KRT79: variants seen among roughly 807,000 people sequenced by gnomAD.
KRT79 encodes the protein keratin, type II cytoskeletal 79.
A neutral mutation model predicts 49.0 loss-of-function variants in KRT79; 51 were observed. That is an observed-to-expected ratio of 1.04 (90% confidence interval 0.83 to 1.31). The LOEUF (loss-of-function observed/expected upper bound fraction) is 1.31, where lower values mean the gene tolerates loss of function less well. Ranked by LOEUF, KRT79 falls within the 40% of genes most tolerant of loss-of-function variation. The probability of loss-of-function intolerance (pLI) is 0.00; values close to 1 mark genes in which losing one functional copy is unlikely to be tolerated. For missense variants in KRT79, 728 were observed against 688.0 expected, an observed-to-expected ratio of 1.06 and a Z score of -0.65; for synonymous variants, 312 against 286.6, an observed-to-expected ratio of 1.09 and a Z score of -0.90.
Position 52,821,447 on chromosome 12 carries a change from T to C in KRT79, c.*425A>G. The C allele has an allele frequency of 4.8e-6, 1 of 206,424 alleles. No individual in the cohort carries two copies. Among genetic ancestry groups the C allele is most frequent in the South Asian group, 1.0e-4 (1 of 9,642 alleles). 12.8% of individuals were successfully genotyped at this position (206,424 alleles called of 1,614,324 possible). The stretch of plus-strand genomic sequence containing the variant: ...CAGACTGCAGCCACAGACAGCTAGC[T>C]GCAGTTGCACCATTTATTGAGACAC... On this transcript the variant is annotated 3_prime_UTR_variant, in exon 9 of 9. Coordinates refer to ENST00000330553, the MANE Select transcript of KRT79 (RefSeq NM_175834.3).
At chr12:52,822,934 T>C in intron 7 of KRT79, 82 bp downstream of exon 7, 3 of 1,419,334 alleles carry the variant, frequency 2.1e-6, no homozygotes, top group Non-Finnish European at 2.9e-6. Context: ...TCTCCCTCTC[T>C]TGACCCCGGA....
rs1452796364 is a variant in KRT79 at position 52,822,052 on chromosome 12, C to T, written c.1428G>A (p.Val476=). 6.2e-7 allele frequency: 1 copy of T among 1,614,150 alleles called. No homozygotes were observed. The highest frequency in any genetic ancestry group is 8.5e-7 in the Non-Finnish European group (1 of 1,180,046). ...CAAAGCTGGCTGCGCCACCTCCGCA[C>T]ACAGTGGTGGAGTTGCCAGTCACAG... is the stretch of plus-strand genomic sequence containing the variant. ...SISVTGNSTT[V]CGGGAASFGG... Residue 476 remains valine (V), a synonymous_variant, in exon 9 of 9, where the codon GTG becomes GTA. Transcript: ENST00000330553.
intron 2 of KRT79, 125 bp downstream of exon 2, chr12:52,831,281 G>T: frequency 1.2e-6 from 1 of 831,966 alleles, no homozygotes; most frequent in Non-Finnish European, 2.0e-6. Flanking sequence ...GCACCTGAGG[G>T]AGCCAGCTCT....
chr12:52,829,772 G>A (rs912810938), intron 4 of KRT79, among the ~76,000 whole-genome samples: 5 of 152,118 alleles, frequency 3.3e-5, no homozygotes, highest in Non-Finnish European at 5.9e-5. Context: ...ATGGTGGCAG[G>A]CACCTGTAGT....
chr12:52,821,946 C>A lies in KRT79; in HGVS notation c.1534G>T (p.Gly512Ter). 1.9e-6 allele frequency: 3 copies of A among 1,614,160 alleles called. No homozygotes were observed. The highest frequency in any genetic ancestry group is 2.2e-5 in the South Asian group (2 of 91,088). ...STNVGYSTVKGGPVSAGTSIL... is the reference protein window; with the variant it reads ...STNVGYSTVK ...GAGGTGCCCGCAGAGACTGGCCCTC[C>A]CTTGACGGTGCTATAGCCCACATTT... The change falls in exon 9 of 9, where the codon GGA (glycine) becomes TGA (stop). Residue 512 changes from glycine to a stop codon, truncating the protein, a stop_gained. Coordinates refer to ENST00000330553, the MANE Select transcript of KRT79 (RefSeq NM_175834.3). LOFTEE classifies it high-confidence loss of function.
rs1272994992 is a variant in KRT79, at chr12:52,830,283, A to C, written c.708T>G (p.Asp236Glu). 1 of 1,614,212 alleles carries C rather than the reference A, an allele frequency of 6.2e-7. No individual in the cohort carries two copies. The highest frequency in any genetic ancestry group is 1.7e-5 in the Admixed American group (1 of 60,034). Residue 236 changes from aspartate to glutamate, a missense_variant, in exon 3 of 9, where the codon GAT (aspartate) becomes GAG (glutamate). Transcript: ENST00000330553. ...LVEDFKNKYE[D>E]EINKHTAAEN... ...CTGCAGCAGTGTGCTTGTTGATTTC[A>C]TCCTCGTACCTGTTACACATGGGAG...
intron 4 of KRT79, among the ~76,000 whole-genome samples, chr12:52,826,949 G>A (rs563501652): frequency 7.9e-5 from 12 of 152,158 alleles, no homozygotes; most frequent in Middle Eastern, 3.4e-3. Flanking sequence ...CTGCTGGGCC[G>A]TGAGGACCTC....
At chr12:52,830,337 C>A (rs778855318) in intron 2 of KRT79, 45 bp from the exon 3 acceptor site, 2 of 1,584,304 alleles carry the variant, frequency 1.3e-6, no homozygotes, top group South Asian at 2.2e-5. Flanking sequence ...CTGGCTCTGC[C>A]TTTCAGGCAT....
intron 6 of KRT79, 62 bp from the exon 7 acceptor site, chr12:52,823,298 C>T: frequency 1.5e-6 from 2 of 1,378,602 alleles, no homozygotes; most frequent in Non-Finnish European, 2.0e-6. Context: ...TCTCTCTGCC[C>T]TCAAGCCATG....
chr12:52,824,421 G>C, intron 4 of KRT79, 59 bp from the exon 5 acceptor site: 1 of 1,560,054 alleles, frequency 6.4e-7, no homozygotes, highest in Non-Finnish European at 8.8e-7. Context: ...GGAAGCATCA[G>C]AGGGTGAAGG....
At chr12:52,830,140 A>G (rs1473838784) in intron 3 of KRT79, 22 bp from the exon 4 acceptor site, 1 of 1,613,050 alleles carries the variant, frequency 6.2e-7, no homozygotes, top group Non-Finnish European at 8.5e-7. Flanking sequence ...AGAGCAAGAC[A>G]GATCCTCAGG....
At position 52,833,895 on chromosome 12, in the gene KRT79, G is replaced by A. The variant is rs1940293477; in HGVS notation, c.366C>T (p.Ser122=). The A allele has an allele frequency of 1.2e-6, 2 of 1,613,792 alleles. No individual in the cohort carries two copies. Among genetic ancestry groups the A allele is most frequent in the East Asian group, 2.2e-5 (1 of 44,862 alleles). ...GGIQEVTVNQ[S]LLTPLHVEID... ...TCTCCACATGGAGGGGGGTCAGCAG[G>A]CTCTGGTTGACAGTGACCTCCTGGA... The change falls in exon 1 of 9, where the codon AGC becomes AGT. Residue 122 remains serine, a synonymous_variant. Transcript: ENST00000330553.
intron 2 of KRT79, among the ~76,000 whole-genome samples, chr12:52,830,975 G>A (rs538454678): frequency 1.1e-4 from 16 of 152,030 alleles, no homozygotes; most frequent in Non-Finnish European, 1.8e-4. Context: ...GCAGATATAT[G>A]AATATAACTT....
chr12:52,823,363 G>T, intron 6 of KRT79, 127 bp from the exon 7 acceptor site: 2 of 766,770 alleles, frequency 2.6e-6, no homozygotes, highest in Non-Finnish European at 2.2e-6. Context: ...AGAGAGAAGA[G>T]AAATATTCAT....
rs146565552 is a variant in KRT79, at chr12:52,823,967, G to A, written c.1066C>T (p.Arg356Trp). 3.7e-4 allele frequency: 593 copies of A among 1,613,944 alleles called. 1 individual carries two copies. Among genetic ancestry groups the A allele is most frequent in the Non-Finnish European group, 4.7e-4 (559 of 1,180,028 alleles). ...TCAGCAATCTCGTTCTTGGTGTCCC[G>A]CAGGTTGTCCCCATGCTTCCCAGCA... ...VTAGKHGDNLRDTKNEIAELT... is the reference protein window; with the variant it reads ...VTAGKHGDNLWDTKNEIAELT... Residue 356 changes from arginine (R) to tryptophan (W), a missense_variant, in exon 6 of 9, where the codon CGG (arginine) becomes TGG (tryptophan). Transcript: ENST00000330553.
intron 1 of KRT79, 112 bp downstream of exon 1, chr12:52,833,672 T>G: frequency 1.1e-6 from 1 of 891,502 alleles, no homozygotes; most frequent in Non-Finnish European, 1.9e-6. Context: ...CAGAGCTCTA[T>G]CAACCACCAC....
Position 52,830,026 on chromosome 12 carries a change from T to G in KRT79, c.852A>C (p.Glu284Asp). 6.2e-7 allele frequency: 1 copy of G among 1,614,058 alleles called. No homozygotes were observed. Among genetic ancestry groups the G allele is most frequent in the Non-Finnish European group, 8.5e-7 (1 of 1,179,916 alleles). ...CCCTGCCCATTGGCCACCTCACCATTTCATAGAGTTGCTGCAGGAAGTCAA... is the reference window on the plus strand; with the variant it reads ...CCCTGCCCATTGGCCACCTCACCATGTCATAGAGTTGCTGCAGGAAGTCAA... The part of the protein sequence containing the change: ...QEIDFLQQLY[E>D]MELSQVQTHV... The change falls in exon 4 of 9, where the codon GAA (glutamate) becomes GAC (aspartate). Residue 284 changes from glutamate to aspartate, a missense_variant. Glu to Asp is a conservative substitution (Grantham distance 45). Transcript: ENST00000330553.
Position 52,823,162 on chromosome 12 carries a change from C to T in KRT79, c.1221G>A (p.Lys407=). The T allele has an allele frequency of 1.2e-6, 2 of 1,614,250 alleles. No individual in the cohort carries two copies. Among genetic ancestry groups the T allele is most frequent in the Non-Finnish European group, 1.7e-6 (2 of 1,180,044 alleles). Residue 407 remains lysine (K), a synonymous_variant, in exon 7 of 9, where the codon AAG becomes AAA. Coordinates refer to ENST00000330553, the MANE Select transcript of KRT79 (RefSeq NM_175834.3). ...GCAGGGCCACATCCAGATCCCCAAGCTTCTTCTGAGCATCCTTGAGTGCCA... is the reference window on the plus strand; with the variant it reads ...GCAGGGCCACATCCAGATCCCCAAGTTTCTTCTGAGCATCCTTGAGTGCCA... ...GELALKDAQK[K]LGDLDVALHQ...
intron 7 of KRT79, 100 bp downstream of exon 7, chr12:52,822,916 G>T: frequency 2.5e-6 from 3 of 1,203,310 alleles, no homozygotes; most frequent in East Asian, 2.4e-5. Flanking sequence ...CTTGCTCCCT[G>T]GTTCCTCTCT....
Sources: gnomAD v4.1 joint callset for allele counts (sites outside exome capture counted in the v4.1 genomes callset) on GRCh38, gnomAD v4.1.1 for gene constraint, MANE v1.5 for transcripts, NCBI Gene and HGNC (gene_info 2026-07-23, HGNC 2026-07-21) for gene names.